Variants in MAGI2 observed in about 807,000 individuals in gnomAD.
MAGI2 encodes the protein membrane-associated guanylate kinase, WW and PDZ domain-containing protein 2.
Under a neutral mutation model 133.3 loss-of-function variants are expected in MAGI2, and 35 were observed. The observed-to-expected ratio is 0.26, with a 90% CI of 0.20 to 0.35. The LOEUF (loss-of-function observed/expected upper bound fraction) is 0.35. Ranked by LOEUF, MAGI2 falls within the 10% of genes least tolerant of loss-of-function variation. The pLI is 1.00. For missense variants in MAGI2, 1,636 were observed against 1,863.4 expected, an observed-to-expected ratio of 0.88 and a Z score of 2.25; for synonymous variants, 729 against 710.6, an observed-to-expected ratio of 1.03 and a Z score of -0.41.
At chr7:79,220,063 C>G (rs1373620243) in intron 1 of MAGI2, among the ~76,000 whole-genome samples, 3 of 151,994 alleles carry the variant, frequency 2.0e-5, no homozygotes, top group African/African-American at 7.3e-5. Context: ...GAATTCTCCT[C>G]TCCTTGGGCT....
intron 2 of MAGI2, among the ~76,000 whole-genome samples, chr7:78,763,192 G>A (rs535219548): frequency 6.6e-6 from 1 of 152,250 alleles, no homozygotes; most frequent in Admixed American, 6.5e-5. Flanking sequence ...AATGGAATTA[G>A]CAAATACTTT....
At chr7:78,701,231 T>A (rs866343927) in intron 2 of MAGI2, among the ~76,000 whole-genome samples, 1 of 151,926 alleles carries the variant, frequency 6.6e-6, no homozygotes, top group African/African-American at 2.4e-5. Flanking sequence ...CATTAGTATG[T>A]TCACTATATA....
chr7:78,937,711 G>C (rs1165201429), intron 2 of MAGI2, among the ~76,000 whole-genome samples: 2 of 152,128 alleles, frequency 1.3e-5, no homozygotes, highest in African/African-American at 2.4e-5. Context: ...ACTAGTTATA[G>C]ACATGGTCTC....
chr7:79,307,455 G>A (rs181734325), intron 1 of MAGI2, among the ~76,000 whole-genome samples: 8 of 152,288 alleles, frequency 5.3e-5, no homozygotes, highest in African/African-American at 1.7e-4. Flanking sequence ...TCCCTAGAAG[G>A]TAAAATGTGT....
intron 1 of MAGI2, among the ~76,000 whole-genome samples, chr7:79,164,426 A>C (rs1824721883): frequency 1.3e-5 from 2 of 152,022 alleles, no homozygotes; most frequent in Non-Finnish European, 2.9e-5. Context: ...ATCTGTAAAG[A>C]ATCACTATTC....
At chr7:79,246,664 A>T (rs1215800382) in intron 1 of MAGI2, among the ~76,000 whole-genome samples, 3 of 152,180 alleles carry the variant, frequency 2.0e-5, no homozygotes, top group Non-Finnish European at 4.4e-5. Flanking sequence ...CTAGAAAAAA[A>T]AGCCTCAAAA....
At chr7:79,352,183 A>G (rs534601880) in intron 1 of MAGI2, among the ~76,000 whole-genome samples, 5 of 152,216 alleles carry the variant, frequency 3.3e-5, no homozygotes, top group Non-Finnish European at 5.9e-5. Context: ...TAGGACTACT[A>G]AAAATAAACC....
At chr7:78,505,338 C>T (rs931603330) in intron 4 of MAGI2, among the ~76,000 whole-genome samples, 3 of 152,020 alleles carry the variant, frequency 2.0e-5, no homozygotes, top group Non-Finnish European at 2.9e-5. Context: ...CACTGTATTG[C>T]CCTTAAGAGG....
intron 10 of MAGI2, among the ~76,000 whole-genome samples, chr7:78,225,863 C>T (rs1391004400): frequency 6.6e-6 from 1 of 152,048 alleles, no homozygotes; most frequent in African/African-American, 2.4e-5. Flanking sequence ...TTTGAGTGTC[C>T]AAGGCAGATC....
intron 2 of MAGI2, among the ~76,000 whole-genome samples, chr7:78,650,027 T>C (rs569657409): frequency 6.6e-6 from 1 of 152,268 alleles, no homozygotes; most frequent in African/African-American, 2.4e-5. Flanking sequence ...AGCTCCCAGG[T>C]GATACTGATG....
intron 3 of MAGI2, among the ~76,000 whole-genome samples, chr7:78,582,877 C>T (rs1384500023): frequency 6.6e-6 from 1 of 152,152 alleles, no homozygotes; most frequent in Non-Finnish European, 1.5e-5. Context: ...CCAAATATAG[C>T]CCTGCCATTA....
intron 1 of MAGI2, among the ~76,000 whole-genome samples, chr7:79,374,054 T>C (rs115471173): frequency 6.6e-6 from 1 of 151,994 alleles, no homozygotes; most frequent in African/African-American, 2.4e-5. Context: ...AAAAAACAAG[T>C]TATGGAAGCA....
chr7:78,094,176 A>G (rs1245692026), intron 20 of MAGI2, among the ~76,000 whole-genome samples: 1 of 152,212 alleles, frequency 6.6e-6, no homozygotes, highest in African/African-American at 2.4e-5. Context: ...TGGGTTAGAC[A>G]GATACCTTTA....
intron 10 of MAGI2, among the ~76,000 whole-genome samples, chr7:78,231,593 A>G (rs929625294): frequency 1.3e-5 from 2 of 152,226 alleles, no homozygotes; most frequent in Admixed American, 6.5e-5. Context: ...TAAACTGGAC[A>G]AATATGGCGA....
intron 2 of MAGI2, among the ~76,000 whole-genome samples, chr7:78,912,895 C>T (rs1163542733): frequency 6.6e-6 from 1 of 150,794 alleles, no homozygotes; most frequent in African/African-American, 2.4e-5. Context: ...CTGGTGAACC[C>T]TGACTAATAC....
intron 2 of MAGI2, among the ~76,000 whole-genome samples, chr7:78,728,240 A>AAATAAG (rs1821010775): frequency 6.6e-6 from 1 of 152,110 alleles, no homozygotes; most frequent in Non-Finnish European, 1.5e-5. Flanking sequence ...AATCGTAGAA[A>AAATAAG]AATAAGAAGG....
chr7:78,121,325 A>C (rs1365621175), intron 20 of MAGI2, among the ~76,000 whole-genome samples: 1 of 152,096 alleles, frequency 6.6e-6, no homozygotes, highest in East Asian at 1.9e-4. Context: ...GCAAGCCATA[A>C]GCTGGCATAA....
intron 2 of MAGI2, among the ~76,000 whole-genome samples, chr7:78,767,838 A>T (rs1825185444): frequency 6.6e-6 from 1 of 152,240 alleles, no homozygotes; most frequent in South Asian, 2.1e-4. Context: ...ATAGGAATAC[A>T]GGAATACAGA....
intron 10 of MAGI2, among the ~76,000 whole-genome samples, chr7:78,205,682 C>T (rs776850945): frequency 2.0e-5 from 3 of 151,878 alleles, no homozygotes; most frequent in African/African-American, 4.8e-5. Flanking sequence ...TTTTTATTTG[C>T]GAAATCTGGT....
Sources: gnomAD v4.1 joint callset for allele counts (sites outside exome capture counted in the v4.1 genomes callset) on GRCh38, gnomAD v4.1.1 for gene constraint, MANE v1.5 for transcripts, NCBI Gene and HGNC (gene_info 2026-07-23, HGNC 2026-07-21) for gene names.